Variants in ADAMTS6 observed in about 807,000 individuals in gnomAD.
ADAMTS6 encodes the protein ADAM metallopeptidase with thrombospondin type 1 motif 6.
ADAMTS6 carries 23 observed loss-of-function variants against 144.3 expected under a neutral mutation model. The observed-to-expected ratio is 0.16, with a 90% confidence interval of 0.11 to 0.23. The LOEUF (loss-of-function observed/expected upper bound fraction) is 0.23, where lower values mean the gene tolerates loss of function less well. Ranked by LOEUF, ADAMTS6 falls within the 10% of genes least tolerant of loss-of-function variation. The pLI is 1.00. For synonymous variants in ADAMTS6, 444 were observed against 457.5 expected (o/e 0.97, Z 0.38); for missense variants, 999 against 1,379.6 (o/e 0.72, Z 4.37).
chr5:65,410,995 G>A (rs1755000029), intron 7 of ADAMTS6, among the ~76,000 whole-genome samples: 1 of 151,918 alleles, frequency 6.6e-6, no homozygotes, highest in Non-Finnish European at 1.5e-5. Flanking sequence ...ACACCACCAC[G>A]CTCAGCTAAT....
chr5:65,458,668 C>T (rs1242465539), intron 4 of ADAMTS6, among the ~76,000 whole-genome samples: 1 of 152,192 alleles, frequency 6.6e-6, no homozygotes, highest in Non-Finnish European at 1.5e-5. Flanking sequence ...CCTCGGCCTC[C>T]CAAAGTGCTG....
chr5:65,348,927 T>G (rs72760553), intron 7 of ADAMTS6, among the ~76,000 whole-genome samples: 41,537 of 151,762 alleles, frequency 0.27, 6,516 homozygotes, highest in South Asian at 0.41. Flanking sequence ...AATTGATCAG[T>G]CCATTTAATG....
intron 7 of ADAMTS6, among the ~76,000 whole-genome samples, chr5:65,341,475 C>T (rs1039971322): frequency 5.3e-5 from 8 of 151,584 alleles, no homozygotes; most frequent in East Asian, 1.9e-4. Context: ...AAAAGAGAGA[C>T]GACTCAAATG....
At chr5:65,176,832 G>A (rs1304479136) in intron 22 of ADAMTS6, among the ~76,000 whole-genome samples, 1 of 152,118 alleles carries the variant, frequency 6.6e-6, no homozygotes, top group Non-Finnish European at 1.5e-5. Flanking sequence ...AATGGTGTTT[G>A]GCTTCTTTGG....
chr5:65,434,278 G>C (rs1317553158), intron 7 of ADAMTS6, among the ~76,000 whole-genome samples: 1 of 152,110 alleles, frequency 6.6e-6, no homozygotes, highest in Non-Finnish European at 1.5e-5. Context: ...TGAGTATAAA[G>C]TTTCATTTTG....
chr5:65,334,194 T>A, intron 7 of ADAMTS6, 109 bp from the exon 8 acceptor site: 1 of 1,230,618 alleles, frequency 8.1e-7, no homozygotes, highest in Non-Finnish European at 1.1e-6. Flanking sequence ...TTAATGCAAT[T>A]ATGAGCAATC....
chr5:65,382,943 G>A (rs1752165055), intron 7 of ADAMTS6, among the ~76,000 whole-genome samples: 1 of 152,168 alleles, frequency 6.6e-6, no homozygotes, highest in Admixed American at 6.5e-5. Flanking sequence ...TTCTACGTCT[G>A]GTGAAAGTCC....
intron 7 of ADAMTS6, among the ~76,000 whole-genome samples, chr5:65,381,227 T>G (rs561174899): frequency 3.3e-5 from 5 of 152,218 alleles, no homozygotes; most frequent in Non-Finnish European, 7.3e-5. Flanking sequence ...TGAAAATTTT[T>G]AAATGGTCAA....
intron 10 of ADAMTS6, among the ~76,000 whole-genome samples, chr5:65,294,951 T>C (rs1742690420): frequency 6.6e-6 from 1 of 152,168 alleles, no homozygotes; most frequent in African/African-American, 2.4e-5. Context: ...TATATAAAAG[T>C]AGTCATACTG....
Position 65,399,222 on chromosome 5 carries a change from C to T in ADAMTS6, c.1073+52253G>A, listed in dbSNP as rs1224437472. 2.6e-5 allele frequency among the ~76,000 whole-genome samples: 4 copies of T among 152,226 alleles called. No homozygotes were observed. The East Asian group carries it at 7.7e-4, about 29-fold the overall frequency. ...AGTGAGCCGAGATTGCACCACTGCA[C>T]TCCAGCCTGAGCCACAGAATGAGAC... On this transcript the variant is annotated intron_variant, in intron 7 of 24. Transcript: ENST00000381055.
chr5:65,440,556 C>T (rs1259108245), intron 7 of ADAMTS6, among the ~76,000 whole-genome samples: 1 of 152,148 alleles, frequency 6.6e-6, no homozygotes, highest in African/African-American at 2.4e-5. Context: ...GAGGCAGCTA[C>T]ACAAAGAGAT....
At chr5:65,232,819 A>G (rs1413716430) in intron 15 of ADAMTS6, among the ~76,000 whole-genome samples, 1 of 152,154 alleles carries the variant, frequency 6.6e-6, no homozygotes, top group Non-Finnish European at 1.5e-5. Context: ...AAAACATTGC[A>G]GAGAAGGGAA....
chr5:65,261,570 A>G (rs1428531042), intron 13 of ADAMTS6, among the ~76,000 whole-genome samples: 1 of 152,224 alleles, frequency 6.6e-6, no homozygotes, highest in African/African-American at 2.4e-5. Flanking sequence ...GCTCACTGGT[A>G]TCAATGGGAT....
At chr5:65,439,140 A>AAT (rs1554091333) in intron 7 of ADAMTS6, among the ~76,000 whole-genome samples, 9 of 151,634 alleles carry the variant, frequency 5.9e-5, no homozygotes, top group Non-Finnish European at 1.2e-4. Flanking sequence ...CCAAATCTGT[A>AAT]TTTTTTTAGA....
intron 4 of ADAMTS6, 67 bp from the exon 5 acceptor site, chr5:65,452,985 G>T: frequency 8.2e-7 from 1 of 1,214,062 alleles, no homozygotes; most frequent in Non-Finnish European, 1.2e-6. Flanking sequence ...GATCTTTCAT[G>T]TAGACATGCT....
chr5:65,451,691 A>C, intron 6 of ADAMTS6, 71 bp from the exon 7 acceptor site: 1 of 1,549,306 alleles, frequency 6.5e-7, no homozygotes, highest in South Asian at 1.2e-5. Flanking sequence ...ACTTTTGAAG[A>C]CTGAAGTGGG....
rs986415322 is a variant in ADAMTS6 at position 65,304,620 on chromosome 5, C to T, written c.1224-4489G>A. Reference sequence around the variant, plus strand: ...GAAAATTTTTAAATTTTCATAAAGACGGGATCTCTCTATGTTACCCAGGCT... The same window carrying T: ...GAAAATTTTTAAATTTTCATAAAGATGGGATCTCTCTATGTTACCCAGGCT... On this transcript the variant is annotated intron_variant, in intron 9 of 24. Transcript: ENST00000381055. Among the ~76,000 whole-genome samples, 10 of 152,142 alleles carry T rather than the reference C, an allele frequency of 6.6e-5. No homozygotes were observed. In the South Asian group the frequency reaches 1.0e-3, roughly 16 times the overall value.
chr5:65,449,947 G>A (rs183367334), intron 7 of ADAMTS6, among the ~76,000 whole-genome samples: 15 of 152,280 alleles, frequency 9.9e-5, no homozygotes, highest in East Asian at 5.8e-4. Context: ...CCCACTGTGC[G>A]TCATATTTGG....
chr5:65,224,829 T>C, intron 17 of ADAMTS6, 95 bp downstream of exon 17: 1 of 1,407,978 alleles, frequency 7.1e-7, no homozygotes, highest in South Asian at 1.6e-5. Context: ...TCTGCCTAAA[T>C]AAAGAAATCT....
Sources: allele counts gnomAD v4.1 joint callset (sites outside exome capture counted in the v4.1 genomes callset), GRCh38; gene constraint gnomAD v4.1.1; transcripts MANE v1.5; gene names NCBI Gene and HGNC (gene_info 2026-07-23, HGNC 2026-07-21).